GALC: variants seen among roughly 807,000 people sequenced by gnomAD.
GALC encodes galactosylceramidase, also known as galactocerebrosidase.
A neutral mutation model predicts 91.8 loss-of-function variants in GALC; 77 were observed. The ratio of observed to expected loss-of-function variants is 0.84; its 90% CI spans 0.70 to 1.01. The LOEUF (loss-of-function observed/expected upper bound fraction) is 1.01, where lower values mean the gene tolerates loss of function less well. Ranked by LOEUF, GALC falls within the 50% of genes least tolerant of loss-of-function variation. The probability of loss-of-function intolerance (pLI) is 0.00; values close to 1 mark genes in which losing one functional copy is unlikely to be tolerated. For synonymous variants in GALC, 357 were observed against 306.7 expected, an observed-to-expected ratio of 1.16 and a Z score of -1.71; for missense variants, 882 against 855.9, an observed-to-expected ratio of 1.03 and a Z score of -0.38.
rs541379493 is a variant in GALC, at chr14:87,959,322, C to CAAGT, written c.1161+4058_1161+4061dup. 2.8e-3 allele frequency among the ~76,000 whole-genome samples: 431 copies of CAAGT among 152,170 alleles called. 3 individuals are homozygous for CAAGT. Among genetic ancestry groups the CAAGT allele is most frequent in the African/African-American group, 9.9e-3 (409 of 41,516 alleles). On this transcript the variant is annotated intron_variant, in intron 10 of 16. Transcript: ENST00000261304. ...CTATTACCAAAAAAACAAAAGAAAA[C>CAAGT]AAGTGTTGGTGAGGATGTGGAAAAA...
intron 9 of GALC, 85 bp downstream of exon 9, chr14:87,965,420 C>T (rs1452642153): frequency 2.9e-6 from 4 of 1,398,904 alleles, no homozygotes; most frequent in East Asian, 4.6e-5. Flanking sequence ...CATAGACACA[C>T]AGTTTATATA....
chr14:87,940,208 A>T (rs895267520), intron 15 of GALC, among the ~76,000 whole-genome samples: 1 of 151,914 alleles, frequency 6.6e-6, no homozygotes, highest in African/African-American at 2.4e-5. Context: ...GCCATATACT[A>T]TATGTGAGCT....
rs1360935847 is a variant in GALC, at chr14:87,934,484, A to G, written c.*248T>C. The G allele has an allele frequency of 1.9e-5, 26 of 1,387,144 alleles. No homozygotes were observed. The highest frequency in any genetic ancestry group is 2.4e-5 in the Non-Finnish European group (26 of 1,071,916). The allele number at this position is 1,387,144 out of a possible 1,614,324, so 85.9% of individuals were successfully genotyped here. ...CAAACCACTCCTAAGGGTATGGCCA[A>G]TGCACAGTTTGAATGTTAGGGAACA... On this transcript the variant is annotated 3_prime_UTR_variant, in exon 17 of 17. Coordinates refer to ENST00000261304, the MANE Select transcript of GALC (RefSeq NM_000153.4).
At chr14:87,966,366 T>G (rs1189545306) in intron 8 of GALC, among the ~76,000 whole-genome samples, 1 of 152,140 alleles carries the variant, frequency 6.6e-6, no homozygotes, top group South Asian at 2.1e-4. Flanking sequence ...CCCTAAAACT[T>G]TGACTCTCTG....
chr14:87,941,632 C>T (rs1884860156), intron 14 of GALC, 74 bp from the exon 15 acceptor site: 3 of 1,038,312 alleles, frequency 2.9e-6, no homozygotes, highest in Non-Finnish European at 3.0e-6. Flanking sequence ...TGTCATTTCA[C>T]AGCACATGCT....
At chr14:87,961,664 C>T (rs1885811249) in intron 10 of GALC, among the ~76,000 whole-genome samples, 1 of 152,140 alleles carries the variant, frequency 6.6e-6, no homozygotes, top group Admixed American at 6.6e-5. Context: ...TCATAAGACC[C>T]TCACTCAACA....
intron 10 of GALC, chr14:87,953,164 G>A: frequency 6.8e-7 from 1 of 1,470,344 alleles, no homozygotes; most frequent in South Asian, 1.1e-5. Context: ...TCTGAAGTCT[G>A]AAGCAGCAGT....
In GALC at chr14:87,986,523, T is replaced by C. The variant is rs979901272; in HGVS notation, c.408A>G (p.Glu136=). The part of the protein sequence containing the change: ...FRGYEWWLMK[E]AKKRNPNITL... ...TAATATTGGGATTCCTCTTCTTAGC[T>C]TCTTTCATCAACCACCACTCGTATC... Residue 136 remains glutamate, a synonymous_variant, in exon 4 of 17, where the codon GAA becomes GAG. Transcript: ENST00000261304. 4 of 1,612,436 alleles carry C rather than the reference T, an allele frequency of 2.5e-6. 1 individual carries two copies. The South Asian group carries it at 4.4e-5, about 18-fold the overall frequency.
intron 10 of GALC, among the ~76,000 whole-genome samples, chr14:87,956,583 A>T (rs1471454659): frequency 8.4e-6 from 1 of 119,522 alleles, no homozygotes; most frequent in Non-Finnish European, 1.8e-5. Flanking sequence ...ATACACACAC[A>T]CCATATATAT....
intron 12 of GALC, among the ~76,000 whole-genome samples, 184 bp downstream of exon 12, chr14:87,949,661 C>T (rs1885223468): frequency 1.3e-5 from 2 of 151,870 alleles, no homozygotes; most frequent in African/African-American, 4.8e-5. Flanking sequence ...ACTTAAATTT[C>T]CAACCTGGGA....
intron 12 of GALC, among the ~76,000 whole-genome samples, chr14:87,949,138 T>A (rs527395262): frequency 6.7e-6 from 1 of 149,606 alleles, no homozygotes; most frequent in South Asian, 2.1e-4. Flanking sequence ...TTGAATTGAG[T>A]CTCAAAAGAT....
chr14:87,947,661 C>T (rs1280828199), intron 13 of GALC, 67 bp downstream of exon 13: 1 of 1,472,106 alleles, frequency 6.8e-7, no homozygotes. Context: ...CCCAGTTTGA[C>T]AGGTAGAAAT....
At chr14:87,963,561 A>AT in intron 9 of GALC, 50 bp from the exon 10 acceptor site, 1 of 1,508,090 alleles carries the variant, frequency 6.6e-7, no homozygotes, top group East Asian at 2.3e-5. Context: ...TAATAATAGT[A>AT]TTTCTTTTGG....
At position 87,965,490 on chromosome 14, in the gene GALC, G is replaced by C. The variant is rs1885996957; in HGVS notation, c.1033+15C>G. The C allele has an allele frequency of 6.2e-7, 1 of 1,612,712 alleles. No homozygotes were observed. Among genetic ancestry groups the C allele is most frequent in the Non-Finnish European group, 8.5e-7 (1 of 1,179,076 alleles). ...GAGAAGAATTTAGGGAGTGAGAGAT[G>C]GAACTGAACCATACCTGATACCCAG... On this transcript the variant is annotated intron_variant, in intron 9 of 16. Coordinates refer to ENST00000261304, the MANE Select transcript of GALC (RefSeq NM_000153.4).
At chr14:87,988,948 T>G (rs533565614) in intron 1 of GALC, among the ~76,000 whole-genome samples, 1 of 152,246 alleles carries the variant, frequency 6.6e-6, no homozygotes, top group African/African-American at 2.4e-5. Flanking sequence ...ACTTTCCCCA[T>G]CCTCATAAAT....
chr14:87,940,418 A>T (rs1193423644), intron 15 of GALC, among the ~76,000 whole-genome samples: 1 of 151,894 alleles, frequency 6.6e-6, no homozygotes, highest in Non-Finnish European at 1.5e-5. Context: ...TAATTTTTGG[A>T]ATTAGTGTTA....
chr14:87,965,669 T>G, intron 8 of GALC, 40 bp from the exon 9 acceptor site: 1 of 1,608,964 alleles, frequency 6.2e-7, no homozygotes, highest in Non-Finnish European at 8.5e-7. Flanking sequence ...AGACAACTTG[T>G]GATAAAAATG....
chr14:87,935,881 G>T (rs1250877811), intron 16 of GALC, among the ~76,000 whole-genome samples: 1 of 152,030 alleles, frequency 6.6e-6, no homozygotes, highest in South Asian at 2.1e-4. Flanking sequence ...TTCACTCCAA[G>T]TTACCTAGCT....
In GALC at chr14:87,963,083, G is replaced by A. The variant is rs3906822; in HGVS notation, c.1161+301C>T. Among the ~76,000 whole-genome samples the A allele has an allele frequency of 0.11, 17,181 of 152,028 alleles. 1,139 individuals carry two copies. Among genetic ancestry groups the A allele is most frequent in the Non-Finnish European group, 0.16 (10,609 of 67,956 alleles). On this transcript the variant is annotated intron_variant, in intron 10 of 16. Transcript: ENST00000261304. ...GCCACAGCCTCCATATACATATCAG[G>A]GCAAGGGAAGGTCGTGAAGGTCGTC...
Sources: allele counts gnomAD v4.1 joint callset (sites outside exome capture counted in the v4.1 genomes callset), GRCh38; gene constraint gnomAD v4.1.1; transcripts MANE v1.5; gene names NCBI Gene and HGNC (gene_info 2026-07-23, HGNC 2026-07-21).